The following POLR1B variants were observed in gnomAD, a reference collection of about 807,000 sequenced individuals.
POLR1B encodes RNA polymerase I subunit B, also known as DNA-directed RNA polymerase I subunit RPA2.
In POLR1B, 30 loss-of-function variants were observed where a neutral mutation model predicts 105.8. The observed-to-expected ratio is 0.28, with a 90% CI of 0.21 to 0.38. The LOEUF (loss-of-function observed/expected upper bound fraction) is 0.38. Among genes scored for constraint, POLR1B ranks in the 10% least tolerant of loss-of-function variants. The pLI is 1.00. For missense variants in POLR1B, 976 were observed against 1,435.8 expected, an observed-to-expected ratio of 0.68 and a Z score of 5.17; for synonymous variants, 485 against 505.1, an observed-to-expected ratio of 0.96 and a Z score of 0.53.
rs1685001460 is a variant in POLR1B at position 112,579,418 on chromosome 2, G to A, written c.*3689G>A. Reference sequence around the variant, plus strand: ...GCTGTGCCATTTTACATTCCTACCAGCAATGTATAAGTGATTCATTTCTTG... The same window carrying A: ...GCTGTGCCATTTTACATTCCTACCAACAATGTATAAGTGATTCATTTCTTG... On this transcript the variant is annotated 3_prime_UTR_variant, in exon 15 of 15. Coordinates refer to ENST00000263331, the MANE Select transcript of POLR1B (RefSeq NM_019014.6). 6.6e-6 allele frequency: 1 copy of A among 152,040 alleles called. No individual in the cohort carries two copies. 9.4% of individuals were successfully genotyped at this position (152,040 alleles called of 1,614,324 possible).
intron 9 of POLR1B, among the ~76,000 whole-genome samples, chr2:112,560,154 C>G (rs1009152352): frequency 6.6e-6 from 1 of 151,774 alleles, no homozygotes; most frequent in Non-Finnish European, 1.5e-5. Context: ...AAGTGAGGAT[C>G]GCTTGAGCCC....
intron 9 of POLR1B, among the ~76,000 whole-genome samples, chr2:112,562,431 A>G (rs1435588250): frequency 2.6e-5 from 4 of 152,118 alleles, no homozygotes; most frequent in African/African-American, 9.7e-5. Context: ...AAGCAATACA[A>G]AAGCCTTCAG....
intron 6 of POLR1B, among the ~76,000 whole-genome samples, 159 bp downstream of exon 6, chr2:112,552,157 G>A (rs530330302): frequency 1.3e-5 from 2 of 152,106 alleles, no homozygotes; most frequent in South Asian, 2.1e-4. Flanking sequence ...TTGTTTTTGC[G>A]GCCCTCCTCA....
At chr2:112,573,482 C>G in intron 13 of POLR1B, 80 bp from the exon 14 acceptor site, 1 of 1,487,680 alleles carries the variant, frequency 6.7e-7, no homozygotes. Context: ...TATCCTAAAC[C>G]AAGTATGATA....
At position 112,578,932 on chromosome 2, in the gene POLR1B, G is replaced by C. The variant is rs139389444; in HGVS notation, c.*3203G>C. Among the ~76,000 whole-genome samples the C allele has an allele frequency of 3.9e-3, 596 of 152,250 alleles. 4 individuals carry two copies. The highest frequency in any genetic ancestry group is 0.01 in the Middle Eastern group (3 of 294). On this transcript the variant is annotated 3_prime_UTR_variant, in exon 15 of 15. Transcript: ENST00000263331. The stretch of plus-strand genomic sequence containing the variant: ...AACTGCATAAAGCAAAACTGGCTGG[G>C]TGCGGTGGTGCACACCTGTAATCCC...
At position 112,574,932 on chromosome 2, in the gene POLR1B, A is replaced by G. The variant is rs190250022; in HGVS notation, c.2611A>G (p.Met871Val). Reference sequence around the variant, plus strand: ...AAAATTCAAGTGTGTTTGCATCACTATGAGAGTGCCTCGGAACCCAACTAT... The same window carrying G: ...AAAATTCAAGTGTGTTTGCATCACTGTGAGAGTGCCTCGGAACCCAACTAT... ...SGKFKCVCIT[M>V]RVPRNPTIGD... Residue 871 changes from methionine to valine, a missense_variant, in exon 15 of 15, where the codon ATG (methionine) becomes GTG (valine). Physicochemically the swap from Met to Val is conservative, Grantham distance 21 (BLOSUM62 1). Transcript: ENST00000263331. 37 of 1,614,168 alleles carry G rather than the reference A, an allele frequency of 2.3e-5. No individual in the cohort carries two copies. In the Admixed American group the frequency reaches 4.7e-4, roughly 20 times the overall value.
At chr2:112,546,961 A>T (rs748427073) in intron 1 of POLR1B, 51 bp from the exon 2 acceptor site, 30 of 1,583,708 alleles carry the variant, frequency 1.9e-5, no homozygotes, top group Non-Finnish European at 2.5e-5. Context: ...AGTCTTAGAG[A>T]AAAAATGCCT....
chr2:112,557,845 A>G lies in POLR1B; in HGVS notation c.1159-65A>G, dbSNP rs191191495. On this transcript the variant is annotated intron_variant, in intron 7 of 14. Coordinates refer to ENST00000263331, the MANE Select transcript of POLR1B (RefSeq NM_019014.6). Reference sequence around the variant, plus strand: ...AAGCGATCCACCCAATCCTGGGATTATAGATGTGAGCCACCACACCTGGCT... The same window carrying G: ...AAGCGATCCACCCAATCCTGGGATTGTAGATGTGAGCCACCACACCTGGCT... The G allele has an allele frequency of 8.4e-5, 77 of 921,130 alleles. 1 individual carries two copies. In the Middle Eastern group the frequency reaches 2.4e-3, roughly 29 times the overall value. 57.1% of individuals were successfully genotyped at this position (921,130 alleles called of 1,614,324 possible). A position where few individuals can be genotyped will look rare whatever the true frequency, so the allele number is the denominator to read the frequency against.
At chr2:112,572,864 T>TG (rs1164419435) in intron 13 of POLR1B, 106 bp downstream of exon 13, 8 of 966,124 alleles carry the variant, frequency 8.3e-6, no homozygotes, top group Non-Finnish European at 1.2e-5. Context: ...TACCTAGTAT[T>TG]TGGCACGTGA....
rs56190123 is a variant in POLR1B, at chr2:112,579,208, CAAAAAAAAAAAAAAAAAA to C, written c.*3494_*3511del. Among the ~76,000 whole-genome samples, 308 of 58,736 alleles carry C rather than the reference CAAAAAAAAAAAAAAAAAA, an allele frequency of 5.2e-3. 1 individual carries two copies. Among genetic ancestry groups the C allele is most frequent in the African/African-American group, 0.02 (286 of 14,140 alleles). 38.5% of individuals were successfully genotyped at this position (58,736 alleles called of 152,430 possible). ...GGGCAACAGAGCAAGACTAGAGTCT[CAAAAAAAAAAAAAAAAAA>C]AAAAAAAAAAAAAAGGAAAGCAAAA... is the stretch of plus-strand genomic sequence containing the variant. On this transcript the variant is annotated 3_prime_UTR_variant, in exon 15 of 15. Coordinates refer to ENST00000263331, the MANE Select transcript of POLR1B (RefSeq NM_019014.6).
At chr2:112,573,875 CTCAGTGTG>C in intron 14 of POLR1B, 60 bp downstream of exon 14, 1 of 1,568,502 alleles carries the variant, frequency 6.4e-7, no homozygotes, top group South Asian at 1.2e-5. Context: ...GAGACAGGGT[CTCAGTGTG>C]TCAGCCGGGC....
At chr2:112,552,575 G>T in intron 6 of POLR1B, 70 bp from the exon 7 acceptor site, 2 of 1,388,590 alleles carry the variant, frequency 1.4e-6, no homozygotes, top group South Asian at 3.0e-5. Flanking sequence ...TGGGGATCTT[G>T]GTTAATAGAA....
chr2:112,575,901 T>A lies in POLR1B; in HGVS notation c.*172T>A. ...AGGTTTCTGAATCTCTCTGGTAGATTAACTATTGACAATGATTTTCTGTTA... is the reference window on the plus strand; with the variant it reads ...AGGTTTCTGAATCTCTCTGGTAGATAAACTATTGACAATGATTTTCTGTTA... On this transcript the variant is annotated 3_prime_UTR_variant, in exon 15 of 15. Transcript: ENST00000263331. The surrounding 1 kb of genome is among the most constrained non-coding windows in gnomAD (Gnocchi z 5.3). 3.2e-6 allele frequency: 2 copies of A among 621,758 alleles called. No individual in the cohort carries two copies. The highest frequency in any genetic ancestry group is 5.4e-6 in the Non-Finnish European group (2 of 367,842). 38.5% of individuals were successfully genotyped at this position (621,758 alleles called of 1,614,324 possible). A position where few individuals can be genotyped will look rare whatever the true frequency, so the allele number is the denominator to read the frequency against.
At chr2:112,544,245 A>G (rs1193681173) in intron 1 of POLR1B, among the ~76,000 whole-genome samples, 2 of 152,070 alleles carry the variant, frequency 1.3e-5, no homozygotes, top group African/African-American at 4.8e-5. Flanking sequence ...AGCCTGGCCA[A>G]CCTGGTGAAA....
At position 112,546,130 on chromosome 2, in the gene POLR1B, G is replaced by A. The variant is rs1484053433; in HGVS notation, c.178-882G>A. Among the ~76,000 whole-genome samples, 3 of 152,116 alleles carry A rather than the reference G, an allele frequency of 2.0e-5. No individual in the cohort carries two copies. The East Asian group carries it at 5.8e-4, about 29-fold the overall frequency. On this transcript the variant is annotated intron_variant, in intron 1 of 14. Transcript: ENST00000263331. ...GGAGGTTGCTTGTAATTAATATATA[G>A]GAGAGCTTGGTGATGCCCCTTCCTC...
At chr2:112,570,137 C>T (rs1263484662) in intron 12 of POLR1B, among the ~76,000 whole-genome samples, 1 of 151,698 alleles carries the variant, frequency 6.6e-6, no homozygotes, top group Admixed American at 6.6e-5. Context: ...CAACCTCTGC[C>T]TCCCATGTTC....
intron 1 of POLR1B, among the ~76,000 whole-genome samples, chr2:112,545,497 G>A (rs141937013): frequency 3.9e-5 from 6 of 152,280 alleles, no homozygotes; most frequent in African/African-American, 1.2e-4. Flanking sequence ...TAGGAGCAGT[G>A]GTTCAGTATT....
chr2:112,563,695 C>G (rs557551621), intron 9 of POLR1B, among the ~76,000 whole-genome samples: 59 of 151,738 alleles, frequency 3.9e-4, no homozygotes, highest in Admixed American at 1.3e-4. Context: ...CCCAGGAGTT[C>G]GAGACCAGCC....
At chr2:112,549,727 A>G (rs1683263713) in intron 4 of POLR1B, among the ~76,000 whole-genome samples, 1 of 152,152 alleles carries the variant, frequency 6.6e-6, no homozygotes, top group African/African-American at 2.4e-5. Context: ...GATGTTAGTC[A>G]GAGGATACAG....
Sources: gnomAD v4.1 joint callset for allele counts (sites outside exome capture counted in the v4.1 genomes callset) on GRCh38, gnomAD v4.1.1 for gene constraint, Gnocchi (gnomAD v3.1) non-coding constraint, MANE v1.5 for transcripts, NCBI Gene and HGNC (gene_info 2026-07-23, HGNC 2026-07-21) for gene names.